IPO11: variants seen among roughly 807,000 people sequenced by gnomAD.
IPO11 encodes importin-11.
In IPO11, 66 loss-of-function variants were observed where a neutral mutation model predicts 143.2. The observed-to-expected ratio is 0.46, with a 90% confidence interval of 0.38 to 0.57. The LOEUF (loss-of-function observed/expected upper bound fraction) is 0.57. IPO11 is among the 20% of genes least tolerant of loss of function. IPO11 has a pLI of 0.00. For missense variants in IPO11, 1,026 were observed against 1,141.0 expected, an observed-to-expected ratio of 0.90 and a Z score of 1.45; for synonymous variants, 385 against 377.8, an observed-to-expected ratio of 1.02 and a Z score of -0.22.
chr5:62,561,899 CAG>C, intron 27 of IPO11: 1 of 150,974 alleles, frequency 6.6e-6, no homozygotes, highest in Non-Finnish European at 1.5e-5. Context: ...AAAGTGGTGG[CAG>C]GTATATAAAT....
intron 25 of IPO11, among the ~76,000 whole-genome samples, chr5:62,551,019 G>GTATATATATATATATATA (rs373267363): frequency 1.5e-4 from 22 of 144,346 alleles, no homozygotes; most frequent in African/African-American, 4.8e-4. Flanking sequence ...TCTCTTTATT[G>GTATATATATATATATATA]TATATATATA....
chr5:62,497,614 G>A (rs1741199980), intron 16 of IPO11, among the ~76,000 whole-genome samples: 1 of 152,142 alleles, frequency 6.6e-6, no homozygotes. Flanking sequence ...GACTATAGGA[G>A]TGTACCACTA....
At chr5:62,442,008 G>C (rs1431673532) in intron 2 of IPO11, among the ~76,000 whole-genome samples, 1 of 151,228 alleles carries the variant, frequency 6.6e-6, no homozygotes, top group Non-Finnish European at 1.5e-5. Flanking sequence ...ACCATGCCCA[G>C]CTAATTTTTG....
chr5:62,562,588 C>T (rs1166721901), intron 27 of IPO11, among the ~76,000 whole-genome samples: 2 of 152,156 alleles, frequency 1.3e-5, no homozygotes, highest in African/African-American at 4.8e-5. Context: ...GCTTGCTTGC[C>T]CTCTGCTCAC....
intron 6 of IPO11, 60 bp downstream of exon 6, chr5:62,467,323 T>C (rs1445865122): frequency 6.6e-7 from 1 of 1,511,954 alleles, no homozygotes; most frequent in Non-Finnish European, 8.9e-7. Flanking sequence ...AGTCACCAAA[T>C]AGTTCCTTTA....
intron 27 of IPO11, among the ~76,000 whole-genome samples, chr5:62,570,915 CA>C: frequency 6.6e-6 from 1 of 152,264 alleles, no homozygotes; most frequent in South Asian, 2.1e-4. Flanking sequence ...AACTGCTTTA[CA>C]ATGAGAATAA....
chr5:62,595,929 C>T (rs1447786897), intron 28 of IPO11, among the ~76,000 whole-genome samples: 1 of 151,580 alleles, frequency 6.6e-6, no homozygotes, highest in Non-Finnish European at 1.5e-5. Flanking sequence ...ATGAAATTGA[C>T]AATCCCTTAC....
intron 24 of IPO11, among the ~76,000 whole-genome samples, chr5:62,543,897 G>T (rs934538564): frequency 2.0e-5 from 3 of 152,040 alleles, no homozygotes; most frequent in Non-Finnish European, 4.4e-5. Context: ...CATTGTTCTC[G>T]TTGGTTTCAA....
rs544724534 is a variant in IPO11, at chr5:62,440,955, C to T, written c.139-2028C>T. Among the ~76,000 whole-genome samples the T allele has an allele frequency of 2.0e-3, 303 of 151,348 alleles. 2 individuals are homozygous for T. Among genetic ancestry groups the T allele is most frequent in the African/African-American group, 7.2e-3 (296 of 41,160 alleles). On this transcript the variant is annotated intron_variant, in intron 2 of 29. Transcript: ENST00000325324. The stretch of plus-strand genomic sequence containing the variant: ...TCCAGTCAGTGCAACGGGAGTGAGA[C>T]TCCATCTCAAAAAAAAAAACTTACA...
At position 62,513,953 on chromosome 5, in the gene IPO11, G is replaced by A. The variant is rs1188701313; in HGVS notation, c.1783-1435G>A. Among the ~76,000 whole-genome samples the A allele has an allele frequency of 3.0e-4, 46 of 151,518 alleles. No individual in the cohort carries two copies. In the Middle Eastern group the frequency reaches 0.01, roughly 34 times the overall value. ...CCGAGGCGCTCCTCACATCCCAGAC[G>A]GGGCGGCGGGGCAGAGGCGCTCCCC... On this transcript the variant is annotated intron_variant, in intron 19 of 29. Transcript: ENST00000325324.
chr5:62,415,893 T>C (rs1183388347), intron 1 of IPO11, among the ~76,000 whole-genome samples: 1 of 152,222 alleles, frequency 6.6e-6, no homozygotes, highest in Non-Finnish European at 1.5e-5. Flanking sequence ...TATCTGTCCA[T>C]CTCTAATGAT....
chr5:62,586,139 T>C (rs1013172069), intron 27 of IPO11, among the ~76,000 whole-genome samples: 6 of 152,198 alleles, frequency 3.9e-5, no homozygotes, highest in Admixed American at 3.9e-4. Context: ...TCATTGAGCA[T>C]AAAGTTTTTT....
chr5:62,485,228 C>T (rs924731704), intron 11 of IPO11, among the ~76,000 whole-genome samples, 191 bp from the exon 12 acceptor site: 9 of 152,066 alleles, frequency 5.9e-5, no homozygotes, highest in African/African-American at 1.7e-4. Flanking sequence ...ACTTAATAGA[C>T]GACTGTGAGA....
At chr5:62,564,127 A>G (rs1269077646) in intron 27 of IPO11, among the ~76,000 whole-genome samples, 3 of 152,176 alleles carry the variant, frequency 2.0e-5, no homozygotes, top group East Asian at 1.9e-4. Context: ...ACTTCATAAT[A>G]TCCTTAATAG....
chr5:62,439,342 A>G lies in IPO11; in HGVS notation c.138+1925A>G, dbSNP rs377636101. ...CGCTCTGTCGCACAGGCTGGAGTGC[A>G]GTGGGGTGATCTAGGCTCACTGCAA... On this transcript the variant is annotated intron_variant, in intron 2 of 29. Transcript: ENST00000325324. Among the ~76,000 whole-genome samples the G allele has an allele frequency of 7.1e-4, 90 of 126,700 alleles. No individual in the cohort carries two copies. In the South Asian group the frequency reaches 0.016, roughly 23 times the overall value. The allele number at this position is 126,700 out of a possible 152,430, so 83.1% of individuals were successfully genotyped here. A position where few individuals can be genotyped will look rare whatever the true frequency, so the allele number is the denominator to read the frequency against.
At chr5:62,513,350 T>C (rs7719660) in intron 19 of IPO11, among the ~76,000 whole-genome samples, 43 of 77,626 alleles carry the variant, frequency 5.5e-4, no homozygotes, top group African/African-American at 1.9e-3. Context: ...GGCGGCTGGC[T>C]GGGCGGGGGG....
At chr5:62,541,286 G>A (rs991925983) in intron 24 of IPO11, among the ~76,000 whole-genome samples, 2 of 151,452 alleles carry the variant, frequency 1.3e-5, no homozygotes, top group African/African-American at 2.4e-5. Flanking sequence ...CAGGGTGATC[G>A]CTTGAACCCG....
intron 1 of IPO11, among the ~76,000 whole-genome samples, chr5:62,424,605 T>C (rs1743651401): frequency 6.6e-6 from 1 of 151,634 alleles, no homozygotes; most frequent in Admixed American, 6.6e-5. Flanking sequence ...TTTTTTAATT[T>C]TTATTTTTTG....
chr5:62,456,104 C>G (rs745506753), intron 5 of IPO11, among the ~76,000 whole-genome samples: 1 of 152,010 alleles, frequency 6.6e-6, no homozygotes, highest in Non-Finnish European at 1.5e-5. Context: ...CCTTGGCTCA[C>G]TGTAACCTCC....
Sources: gnomAD v4.1 joint callset for allele counts (sites outside exome capture counted in the v4.1 genomes callset) on GRCh38, gnomAD v4.1.1 for gene constraint, MANE v1.5 for transcripts, NCBI Gene and HGNC (gene_info 2026-07-23, HGNC 2026-07-21) for gene names.